HDAC9: variants seen among roughly 807,000 people sequenced by gnomAD.
HDAC9 encodes MEF-2 interacting transcription repressor (MITR) protein.
Under a neutral mutation model 139.4 loss-of-function variants are expected in HDAC9, and 41 were observed. The ratio of observed to expected loss-of-function variants is 0.29; its 90% confidence interval spans 0.23 to 0.38. The LOEUF is 0.38. Ranked by LOEUF, HDAC9 falls within the 10% of genes least tolerant of loss-of-function variation. The pLI, the probability that HDAC9 is intolerant of heterozygous loss-of-function variation, is 1.00. For missense variants in HDAC9, 1,147 were observed against 1,297.0 expected (o/e 0.88, Z 1.78); for synonymous variants, 517 against 476.2 (o/e 1.09, Z -1.12).
At chr7:18,732,088 A>C (rs1053183083) in intron 13 of HDAC9, among the ~76,000 whole-genome samples, 3 of 152,116 alleles carry the variant, frequency 2.0e-5, no homozygotes, top group Non-Finnish European at 2.9e-5. Context: ...TCCAACTCCC[A>C]ACCTCAGGTG....
chr7:18,411,817 CTTTT>C (rs71014326), intron 1 of HDAC9, among the ~76,000 whole-genome samples: 7 of 88,946 alleles, frequency 7.9e-5, no homozygotes, highest in East Asian at 8.0e-4. Flanking sequence ...TTTCAACTTG[CTTTT>C]TTTTTTTTTT....
intron 1 of HDAC9, among the ~76,000 whole-genome samples, chr7:18,468,889 A>G (rs1794509917): frequency 6.6e-6 from 1 of 152,194 alleles, no homozygotes; most frequent in Admixed American, 6.5e-5. Context: ...AAACCAAGAG[A>G]CACAAAAATC....
chr7:18,975,738 A>C, intron 24 of HDAC9, 68 bp from the exon 25 acceptor site: 1 of 1,440,220 alleles, frequency 6.9e-7, no homozygotes, highest in Non-Finnish European at 9.7e-7. Flanking sequence ...AGTTGGACGT[A>C]TGTGAGTATT....
At chr7:18,577,088 A>T (rs1226308981) in intron 2 of HDAC9, among the ~76,000 whole-genome samples, 2 of 152,216 alleles carry the variant, frequency 1.3e-5, no homozygotes, top group Non-Finnish European at 2.9e-5. Context: ...GAATAAGATA[A>T]GGGAAACTTT....
chr7:18,270,454 C>G (rs1289984649), intron 2 of HDAC9, among the ~76,000 whole-genome samples: 1 of 152,086 alleles, frequency 6.6e-6, no homozygotes, highest in Non-Finnish European at 1.5e-5. Flanking sequence ...CTTCTGGATG[C>G]TTAATAATAT....
At chr7:18,268,065 A>G (rs1230138899) in intron 2 of HDAC9, among the ~76,000 whole-genome samples, 1 of 152,180 alleles carries the variant, frequency 6.6e-6, no homozygotes, top group African/African-American at 2.4e-5. Context: ...TATTGGAATA[A>G]TTTAAAATGT....
rs117287763 is a variant in HDAC9, at chr7:18,094,687, C to T, written c.-97+7474C>T. Among the ~76,000 whole-genome samples the T allele has an allele frequency of 9.2e-5, 14 of 152,190 alleles. No homozygotes were observed. The East Asian group carries it at 2.7e-3, about 29-fold the overall frequency. ...CCCAGAGTGGTCTTGTACTCCTGGC[C>T]TCAAGCTATCCTCCTGCTTAGGCCT... On this transcript the variant is annotated intron_variant, in intron 1 of 12. Transcript: ENST00000417496.
At chr7:18,727,508 G>C in intron 12 of HDAC9, 72 bp from the exon 13 acceptor site, 1 of 1,266,678 alleles carries the variant, frequency 7.9e-7, no homozygotes, top group South Asian at 1.5e-5. Flanking sequence ...TTAATTTGTT[G>C]ACATGTCGCT....
intron 1 of HDAC9, among the ~76,000 whole-genome samples, chr7:18,371,860 C>T (rs1029606681): frequency 6.6e-6 from 1 of 152,154 alleles, no homozygotes; most frequent in Non-Finnish European, 1.5e-5. Flanking sequence ...CAAAAACAGA[C>T]TTCAGAGATC....
upstream of HDAC9, among the ~76,000 whole-genome samples, chr7:18,491,586 A>C (rs1352574131): frequency 1.3e-5 from 2 of 152,012 alleles, no homozygotes; most frequent in African/African-American, 4.8e-5. Context: ...GATCCTGATA[A>C]ATTTTCTTTC....
intron 12 of HDAC9, among the ~76,000 whole-genome samples, chr7:18,712,647 G>C (rs1046033556): frequency 2.0e-5 from 3 of 152,104 alleles, no homozygotes; most frequent in Non-Finnish European, 4.4e-5. Context: ...TAAATCCTAG[G>C]TATTGCAGGT....
chr7:18,512,850 T>C (rs1481715634), intron 2 of HDAC9, among the ~76,000 whole-genome samples: 2 of 152,214 alleles, frequency 1.3e-5, no homozygotes. Context: ...AATGGCAGTT[T>C]TGTAAAGCAA....
At chr7:18,661,835 C>T (rs1044639426) in intron 11 of HDAC9, among the ~76,000 whole-genome samples, 9 of 151,606 alleles carry the variant, frequency 5.9e-5, no homozygotes, top group African/African-American at 1.5e-4. Context: ...AGAAACTGAC[C>T]GGAACAAATA....
intron 22 of HDAC9, among the ~76,000 whole-genome samples, chr7:18,913,091 C>A (rs1802880307): frequency 6.6e-6 from 1 of 152,188 alleles, no homozygotes; most frequent in South Asian, 2.1e-4. Context: ...AGAGAGGACT[C>A]TAGCATTTTT....
intron 22 of HDAC9, among the ~76,000 whole-genome samples, chr7:18,894,939 T>C (rs1227517051): frequency 2.6e-5 from 4 of 151,988 alleles, no homozygotes; most frequent in Non-Finnish European, 5.9e-5. Flanking sequence ...ATGGGTGTAA[T>C]GGTGGGAGAT....
Position 19,001,558 on chromosome 7 carries a change from AAC to A in HDAC9, c.*5498_*5499del, listed in dbSNP as rs1554426948. The A allele has an allele frequency of 2.8e-4, 43 of 151,138 alleles. No homozygotes were observed. The highest frequency in any genetic ancestry group is 1.0e-3 in the African/African-American group (42 of 41,040). The allele number at this position is 151,138 out of a possible 1,614,324, so 9.4% of individuals were successfully genotyped here. ...CAGAAATGGAGTAATTAAAAAAAAA[AAC>A]AAAAAACAGAGAAGAATTGCAAAAT... is the stretch of plus-strand genomic sequence containing the variant. On this transcript the variant is annotated 3_prime_UTR_variant, in exon 26 of 26. Transcript: ENST00000686413.
At position 18,244,642 on chromosome 7, in the gene HDAC9, C is replaced by A. The variant is rs534405882; in HGVS notation, c.25+82293C>A. Among the ~76,000 whole-genome samples the A allele has an allele frequency of 2.0e-5, 3 of 152,096 alleles. No individual in the cohort carries two copies. The South Asian group carries it at 6.2e-4, about 32-fold the overall frequency. On this transcript the variant is annotated intron_variant, in intron 2 of 12. Transcript: ENST00000417496. ...TGAAACCCTATCTCTACTAAAAATA[C>A]AAAAAATTATCTGGGCGTGGTGGCG...
intron 2 of HDAC9, among the ~76,000 whole-genome samples, chr7:18,231,739 C>T (rs1016116307): frequency 1.3e-5 from 2 of 152,098 alleles, no homozygotes; most frequent in Non-Finnish European, 2.9e-5. Context: ...AAGGAAATAG[C>T]GTTTCTCATT....
At chr7:18,418,721 T>C (rs1478507852) in intron 1 of HDAC9, among the ~76,000 whole-genome samples, 1 of 152,090 alleles carries the variant, frequency 6.6e-6, no homozygotes, top group Non-Finnish European at 1.5e-5. Context: ...AGCTGATGAA[T>C]CGTAAGAATT....
Sources: allele counts gnomAD v4.1 joint callset (sites outside exome capture counted in the v4.1 genomes callset), GRCh38; gene constraint gnomAD v4.1.1; transcripts MANE v1.5; gene names NCBI Gene and HGNC (gene_info 2026-07-23, HGNC 2026-07-21).